COL22A1: variants seen among roughly 807,000 people sequenced by gnomAD.
The protein encoded by COL22A1 is collagen type XXII alpha 1 chain.
In COL22A1, 221 loss-of-function variants were observed where a neutral mutation model predicts 248.9. The observed-to-expected ratio is 0.89, with a 90% confidence interval of 0.80 to 0.99. COL22A1 has a LOEUF of 0.99. Ranked by LOEUF, COL22A1 falls within the 50% of genes least tolerant of loss-of-function variation. The pLI is 0.00. For synonymous variants in COL22A1, 891 were observed against 793.4 expected (o/e 1.12, Z -2.07); for missense variants, 2,240 against 2,179.0 (o/e 1.03, Z -0.56).
intron 31 of COL22A1, among the ~76,000 whole-genome samples, chr8:138,701,257 A>T (rs72729644): frequency 0.059 from 8,971 of 152,234 alleles, 327 homozygotes; most frequent in Middle Eastern, 0.12. Flanking sequence ...TATAATTTGC[A>T]ATGTAGCTAT....
At chr8:138,602,815 C>T (rs1818139725) in intron 59 of COL22A1, among the ~76,000 whole-genome samples, 1 of 152,222 alleles carries the variant, frequency 6.6e-6, no homozygotes, top group Non-Finnish European at 1.5e-5. Context: ...CTCTCTGCCC[C>T]CAGCTCCTCT....
At chr8:138,643,928 T>A (rs758675434) in intron 47 of COL22A1, among the ~76,000 whole-genome samples, 1 of 152,088 alleles carries the variant, frequency 6.6e-6, no homozygotes, top group Non-Finnish European at 1.5e-5. Context: ...ATTACAGATG[T>A]GCACAACCAT....
chr8:138,636,668 T>C, intron 48 of COL22A1, 74 bp downstream of exon 48: 2 of 1,081,974 alleles, frequency 1.8e-6, no homozygotes, highest in Middle Eastern at 2.0e-4. Context: ...AATGACATTG[T>C]ACAATGGAAG....
At chr8:138,823,757 C>T (rs142676090) in intron 6 of COL22A1, among the ~76,000 whole-genome samples, 18 of 152,182 alleles carry the variant, frequency 1.2e-4, no homozygotes, top group South Asian at 2.1e-4. Context: ...TTATCTTATG[C>T]GTATCTTTTG....
intron 56 of COL22A1, among the ~76,000 whole-genome samples, chr8:138,610,189 A>G (rs148091850): frequency 2.1e-3 from 313 of 152,330 alleles, no homozygotes; most frequent in African/African-American, 7.0e-3. Flanking sequence ...GCGGACAGAA[A>G]TCACACCTGT....
intron 4 of COL22A1, among the ~76,000 whole-genome samples, chr8:138,833,814 A>G (rs953651996): frequency 6.6e-6 from 1 of 152,126 alleles, no homozygotes; most frequent in African/African-American, 2.4e-5. Context: ...GTCAAGGGTA[A>G]GGACGGGGGT....
At chr8:138,768,002 C>T (rs1445818564) in intron 16 of COL22A1, among the ~76,000 whole-genome samples, 1 of 152,194 alleles carries the variant, frequency 6.6e-6, no homozygotes, top group Non-Finnish European at 1.5e-5. Context: ...GCTGCAGCCC[C>T]TTCGTGCCTT....
In COL22A1 at chr8:138,619,402, C is replaced by G. The variant is rs376370607; in HGVS notation, c.3825+53G>C. The stretch of plus-strand genomic sequence containing the variant: ...TAGCCCTGCTCACAGTGGTGAGAGC[C>G]ATGTAGCTGATGGGCTTGGTTCTAC... On this transcript the variant is annotated intron_variant, in intron 53 of 64. Coordinates refer to ENST00000303045, the MANE Select transcript of COL22A1 (RefSeq NM_152888.3). 7.2e-6 allele frequency: 11 copies of G among 1,536,676 alleles called. No individual in the cohort carries two copies. The African/African-American group carries it at 1.5e-4, about 21-fold the overall frequency.
chr8:138,836,841 G>A (rs945126923), intron 4 of COL22A1, among the ~76,000 whole-genome samples: 3 of 152,162 alleles, frequency 2.0e-5, no homozygotes, highest in Non-Finnish European at 2.9e-5. Context: ...GAATCCCTCC[G>A]TTCAGTATGC....
intron 56 of COL22A1, among the ~76,000 whole-genome samples, chr8:138,610,630 A>G (rs1190632453): frequency 6.6e-6 from 1 of 152,220 alleles, no homozygotes; most frequent in African/African-American, 2.4e-5. Context: ...AGCTAGAACC[A>G]CACAGCGGCC....
At chr8:138,692,262 GTGCA>G (rs1827100637) in intron 35 of COL22A1, among the ~76,000 whole-genome samples, 8 of 143,696 alleles carry the variant, frequency 5.6e-5, no homozygotes, top group East Asian at 2.1e-4. Flanking sequence ...GTGTGCGTGT[GTGCA>G]TGTTTGTGTG....
chr8:138,768,794 G>A (rs1314005272), intron 16 of COL22A1, among the ~76,000 whole-genome samples: 1 of 152,084 alleles, frequency 6.6e-6, no homozygotes, highest in Non-Finnish European at 1.5e-5. Flanking sequence ...AAAATTAGCT[G>A]GGCGTGCTGG....
chr8:138,896,624 C>T (rs1025000407), intron 1 of COL22A1, among the ~76,000 whole-genome samples: 5 of 152,148 alleles, frequency 3.3e-5, no homozygotes, highest in Non-Finnish European at 7.4e-5. Context: ...CATTGGCAGA[C>T]TTAACCCTTA....
chr8:138,778,948 A>G (rs956741008), intron 14 of COL22A1, among the ~76,000 whole-genome samples: 1 of 152,250 alleles, frequency 6.6e-6, no homozygotes, highest in African/African-American at 2.4e-5. Context: ...GAAATTATCT[A>G]TTAAAGTCTG....
chr8:138,736,875 A>C (rs1831154222), intron 23 of COL22A1, among the ~76,000 whole-genome samples: 1 of 152,084 alleles, frequency 6.6e-6, no homozygotes, highest in South Asian at 2.1e-4. Flanking sequence ...TGAGCAGGGG[A>C]AGGACTTGGC....
At chr8:138,846,277 A>T (rs1307511963) in intron 3 of COL22A1, among the ~76,000 whole-genome samples, 2 of 152,184 alleles carry the variant, frequency 1.3e-5, no homozygotes, top group Non-Finnish European at 2.9e-5. Context: ...TAATGAGTTT[A>T]AAATTTAAGA....
At chr8:138,718,245 C>T (rs1829595712) in intron 27 of COL22A1, among the ~76,000 whole-genome samples, 1 of 152,226 alleles carries the variant, frequency 6.6e-6, no homozygotes, top group Non-Finnish European at 1.5e-5. Flanking sequence ...ATGCTCCCAT[C>T]AATTCCCAAT....
At chr8:138,860,875 C>G (rs929906431) in intron 3 of COL22A1, among the ~76,000 whole-genome samples, 3 of 152,210 alleles carry the variant, frequency 2.0e-5, no homozygotes, top group Non-Finnish European at 4.4e-5. Flanking sequence ...TGCCCCCAAA[C>G]TTTAAGTGCC....
chr8:138,832,956 A>G, intron 5 of COL22A1, 83 bp downstream of exon 5: 1 of 904,418 alleles, frequency 1.1e-6, no homozygotes, highest in Non-Finnish European at 1.8e-6. Context: ...CTCGGTGCCA[A>G]GTATGAAACA....
Sources: gnomAD v4.1 joint callset for allele counts (sites outside exome capture counted in the v4.1 genomes callset) on GRCh38, gnomAD v4.1.1 for gene constraint, MANE v1.5 for transcripts, NCBI Gene and HGNC (gene_info 2026-07-23, HGNC 2026-07-21) for gene names.